MICAL3: variants seen among roughly 807,000 people sequenced by gnomAD.
MICAL3 encodes [F-actin]-monooxygenase MICAL3.
A neutral mutation model predicts 207.4 loss-of-function variants in MICAL3; 62 were observed. That is an observed-to-expected ratio of 0.30 (90% CI 0.24 to 0.37). MICAL3 has a LOEUF of 0.37. Ranked by LOEUF, MICAL3 falls within the 10% of genes least tolerant of loss-of-function variation. The pLI is 1.00. For missense variants in MICAL3, 2,368 were observed against 2,635.6 expected (o/e 0.90, Z 2.22); for synonymous variants, 1,077 against 1,069.3 (o/e 1.01, Z -0.14).
At chr22:17,929,170 C>T (rs185313912) in intron 1 of MICAL3, among the ~76,000 whole-genome samples, 1 of 150,708 alleles carries the variant, frequency 6.6e-6, no homozygotes, top group South Asian at 2.1e-4. Context: ...GCCATCATAG[C>T]TCACCGTAAC....
At chr22:17,891,361 C>A in intron 12 of MICAL3, 124 bp downstream of exon 12, 1 of 784,112 alleles carries the variant, frequency 1.3e-6, no homozygotes. Flanking sequence ...AAATCACTGC[C>A]TTCTAGAGAA....
chr22:17,896,425 A>C, intron 8 of MICAL3, 64 bp from the exon 9 acceptor site: 1 of 1,031,610 alleles, frequency 9.7e-7, no homozygotes, highest in Non-Finnish European at 1.5e-6. Flanking sequence ...GGAAAAATAA[A>C]CTAAGGAACA....
rs933857405 is a variant in MICAL3, at chr22:17,817,192, C to A, written c.5350+119G>T. On this transcript the variant is annotated intron_variant, in intron 26 of 31. Transcript: ENST00000441493. ...GTTCAGTCCCTTCTCCAGGTCAGCA[C>A]GGCTCCTGAGAACCCTCGGCGGGGA... is the stretch of plus-strand genomic sequence containing the variant. The A allele has an allele frequency of 4.7e-6, 6 of 1,273,018 alleles. No homozygotes were observed. In the Admixed American group the frequency reaches 1.4e-4, roughly 29 times the overall value. The allele number at this position is 1,273,018 out of a possible 1,614,324, so 78.9% of individuals were successfully genotyped here.
chr22:17,998,789 G>A (rs1213025358), intron 1 of MICAL3, among the ~76,000 whole-genome samples: 2 of 152,014 alleles, frequency 1.3e-5, no homozygotes, highest in Admixed American at 6.6e-5. Flanking sequence ...TCCTGACCTC[G>A]TGATCCGCCC....
chr22:17,854,214 C>T (rs1437411369), intron 19 of MICAL3, among the ~76,000 whole-genome samples: 1 of 95,422 alleles, frequency 1.0e-5, no homozygotes, highest in Non-Finnish European at 1.8e-5. Flanking sequence ...TCTGTTGACA[C>T]AGCTTGGGGA....
chr22:17,978,128 G>A (rs949510316), intron 1 of MICAL3, among the ~76,000 whole-genome samples: 27 of 152,220 alleles, frequency 1.8e-4, no homozygotes, highest in Middle Eastern at 3.4e-3. Context: ...GTCAAAAAGT[G>A]GAAATAACTC....
intron 2 of MICAL3, among the ~76,000 whole-genome samples, chr22:17,906,273 G>A (rs992584928): frequency 6.6e-6 from 1 of 152,208 alleles, no homozygotes; most frequent in Non-Finnish European, 1.5e-5. Context: ...ACAAAAAGAG[G>A]TTAGACATCC....
rs549916608 is a variant in MICAL3 at position 17,990,395 on chromosome 22, T to A, written c.-75+33886A>T. ...GAAGCCCCAAGCCTCAGAATTCCAT[T>A]CCAAGTTTCATGAGCACCAGTCAGT... On this transcript the variant is annotated intron_variant, in intron 1 of 31. Coordinates refer to ENST00000441493, the MANE Select transcript of MICAL3 (RefSeq NM_015241.3). Among the ~76,000 whole-genome samples the A allele has an allele frequency of 2.6e-5, 4 of 152,208 alleles. No individual in the cohort carries two copies. The East Asian group carries it at 5.8e-4, about 22-fold the overall frequency.
intron 1 of MICAL3, among the ~76,000 whole-genome samples, chr22:18,016,411 T>A (rs1327549796): frequency 1.3e-5 from 2 of 152,182 alleles, no homozygotes; most frequent in Non-Finnish European, 1.5e-5. Flanking sequence ...CAAAAAGTTA[T>A]TCTTTTTCGT....
intron 22 of MICAL3, 48 bp downstream of exon 22, chr22:17,827,596 G>A: frequency 6.6e-6 from 10 of 1,509,016 alleles, no homozygotes; most frequent in Non-Finnish European, 8.9e-6. Flanking sequence ...GAGGCAGCAG[G>A]CGGGTGGTGC....
rs1402329217 is a variant in MICAL3 at position 17,789,236 on chromosome 22, A to G, written c.*1496T>C. ...CTTGAGAGGCACCAGCCTGCATCCCAGCATCCACTGCAGCACTCGCGTTTC... is the reference window on the plus strand; with the variant it reads ...CTTGAGAGGCACCAGCCTGCATCCCGGCATCCACTGCAGCACTCGCGTTTC... On this transcript the variant is annotated 3_prime_UTR_variant, in exon 32 of 32. Coordinates refer to ENST00000441493, the MANE Select transcript of MICAL3 (RefSeq NM_015241.3). 6.6e-6 allele frequency: 1 copy of G among 152,254 alleles called. No individual in the cohort carries two copies. Among genetic ancestry groups the G allele is most frequent in the Admixed American group, 6.5e-5 (1 of 15,276 alleles). The allele number at this position is 152,254 out of a possible 1,614,324, so 9.4% of individuals were successfully genotyped here.
chr22:17,927,029 T>C (rs544102345), intron 1 of MICAL3, among the ~76,000 whole-genome samples: 1 of 152,312 alleles, frequency 6.6e-6, no homozygotes, highest in Admixed American at 6.5e-5. Flanking sequence ...CCACTGTCTA[T>C]CTCCAGAACT....
intron 1 of MICAL3, among the ~76,000 whole-genome samples, chr22:17,964,683 T>C (rs1462169478): frequency 1.3e-5 from 2 of 152,202 alleles, no homozygotes; most frequent in African/African-American, 4.8e-5. Flanking sequence ...AAATAAGCTG[T>C]CCCTTTAAAG....
At chr22:17,972,974 G>A (rs531532575) in intron 1 of MICAL3, among the ~76,000 whole-genome samples, 3 of 152,170 alleles carry the variant, frequency 2.0e-5, no homozygotes, top group Admixed American at 1.3e-4. Context: ...GGCATGTTGC[G>A]CCTTGCCCAG....
chr22:17,875,162 T>C (rs1928156663), intron 16 of MICAL3: 1 of 193,008 alleles, frequency 5.2e-6, no homozygotes, highest in East Asian at 1.2e-4. Flanking sequence ...ACATTTATCA[T>C]TATTTGATAT....
chr22:17,905,138 A>G (rs1931623528), intron 2 of MICAL3, among the ~76,000 whole-genome samples: 1 of 152,230 alleles, frequency 6.6e-6, no homozygotes, highest in Non-Finnish European at 1.5e-5. Flanking sequence ...TTAAGTGGCC[A>G]TCATCTCAAC....
intron 1 of MICAL3, among the ~76,000 whole-genome samples, chr22:17,916,055 C>CAA (rs755146574): frequency 0.025 from 1,436 of 56,666 alleles, 33 homozygotes; most frequent in Non-Finnish European, 0.029. Flanking sequence ...GATCCAGTCT[C>CAA]AAAAAAAAAA....
chr22:17,829,094 T>C (rs1226253758), intron 21 of MICAL3, among the ~76,000 whole-genome samples: 3 of 152,138 alleles, frequency 2.0e-5, no homozygotes, highest in African/African-American at 4.8e-5. Flanking sequence ...TAGCCCCTTG[T>C]TGGAGTTGCT....
chr22:17,997,360 G>A (rs972369846), intron 1 of MICAL3, among the ~76,000 whole-genome samples: 4 of 152,082 alleles, frequency 2.6e-5, no homozygotes, highest in Admixed American at 6.5e-5. Flanking sequence ...CACTGCGCCC[G>A]GCCCATCTGG....
Sources: allele counts gnomAD v4.1 joint callset (sites outside exome capture counted in the v4.1 genomes callset), GRCh38; gene constraint gnomAD v4.1.1; transcripts MANE v1.5; gene names NCBI Gene and HGNC (gene_info 2026-07-23, HGNC 2026-07-21).